TYW1B: variants seen among roughly 807,000 people sequenced by gnomAD.
The protein encoded by TYW1B is S-adenosyl-L-methionine-dependent tRNA 4-demethylwyosine synthase TYW1B.
In TYW1B, 73 loss-of-function variants were observed where a neutral mutation model predicts 86.9. The observed-to-expected ratio is 0.84, with a 90% CI of 0.70 to 1.02. TYW1B has a LOEUF of 1.02. TYW1B is among the 50% of genes least tolerant of loss of function. The pLI is 0.00. For missense variants in TYW1B, 637 were observed against 827.4 expected (o/e 0.77, Z 2.82); for synonymous variants, 248 against 292.8 (o/e 0.85, Z 1.56).
chr7:72,596,858 A>G (rs1554432707), intron 13 of TYW1B, among the ~76,000 whole-genome samples: 2 of 151,994 alleles, frequency 1.3e-5, no homozygotes, highest in African/African-American at 4.8e-5. Flanking sequence ...GGGGAAAAAA[A>G]TTGCAAATGA....
intron 12 of TYW1B, among the ~76,000 whole-genome samples, chr7:72,626,404 A>G (rs1812351102): frequency 6.6e-6 from 1 of 151,970 alleles, no homozygotes. Context: ...GTTGCCCAAA[A>G]AAGCCATTAC....
At position 72,744,495 on chromosome 7, in the gene TYW1B, G is replaced by A. The variant is rs1787360650; in HGVS notation, c.1071C>T (p.Val357=). 1 of 1,613,354 alleles carries A rather than the reference G, an allele frequency of 6.2e-7. No individual in the cohort carries two copies. Among genetic ancestry groups the A allele is most frequent in the Non-Finnish European group, 8.5e-7 (1 of 1,179,472 alleles). The part of the protein sequence containing the change: ...TPSLACANKC[V]FCWWHHNNPV... ...TCATTTTTACTTACCACCAACAGAA[G>A]ACACATTTATTAGCACACGCCAAGC... The change falls in exon 8 of 14, where the codon GTC becomes GTT. Residue 357 remains valine, a synonymous_variant. Coordinates refer to ENST00000620995, the MANE Select transcript of TYW1B (RefSeq NM_001145440.3).
rs374528899 is a variant in TYW1B, at chr7:72,811,468, G to A, written c.238-803C>T. Among the ~76,000 whole-genome samples, 791 of 152,032 alleles carry A rather than the reference G, an allele frequency of 5.2e-3. 10 individuals carry two copies. The highest frequency in any genetic ancestry group is 0.012 in the East Asian group (62 of 5,166). On this transcript the variant is annotated intron_variant, in intron 3 of 13. Coordinates refer to ENST00000620995, the MANE Select transcript of TYW1B (RefSeq NM_001145440.3). ...AGCTGCTCTGTGGTGTCAGAAAGAC[G>A]AGGAATGTGGTGACCTTGCTTATCC...
chr7:72,823,344 G>A (rs1467962123), intron 2 of TYW1B, among the ~76,000 whole-genome samples: 7 of 151,616 alleles, frequency 4.6e-5, no homozygotes, highest in Admixed American at 6.6e-5. Flanking sequence ...AATAAAGGCC[G>A]GGCACGGTGG....
chr7:72,825,594 T>C (rs143134193), intron 2 of TYW1B, among the ~76,000 whole-genome samples: 3 of 152,032 alleles, frequency 2.0e-5, no homozygotes, highest in African/African-American at 4.8e-5. Context: ...GCAGGAGAAT[T>C]GCTTGAGGTG....
chr7:72,596,539 G>A (rs1471914900), intron 13 of TYW1B, among the ~76,000 whole-genome samples: 4 of 152,150 alleles, frequency 2.6e-5, no homozygotes, highest in Non-Finnish European at 4.4e-5. Flanking sequence ...AATGGGGAAA[G>A]GGCAGCGTCC....
At chr7:72,644,555 C>A (rs1484647449) in intron 11 of TYW1B, among the ~76,000 whole-genome samples, 3 of 151,878 alleles carry the variant, frequency 2.0e-5, no homozygotes, top group South Asian at 2.1e-4. Flanking sequence ...CTCAATCAAT[C>A]AATAAATATA....
chr7:72,813,171 CTTTTTTTTT>C (rs782128548), intron 3 of TYW1B, among the ~76,000 whole-genome samples: 2 of 123,770 alleles, frequency 1.6e-5, no homozygotes, highest in Non-Finnish European at 3.4e-5. Context: ...CATACTTCTT[CTTTTTTTTT>C]TTTTTTTTTT....
chr7:72,789,794 T>G lies in TYW1B; in HGVS notation c.847-12261A>C, dbSNP rs1414050082. Among the ~76,000 whole-genome samples the G allele has an allele frequency of 6.6e-5, 10 of 151,906 alleles. No individual in the cohort carries two copies. In the East Asian group the frequency reaches 1.9e-3, roughly 29 times the overall value. ...CCCAGCCTGGAATTTTTTTTTATGA[T>G]AAGCTTTACAAAAGAAACCAAATAA... On this transcript the variant is annotated intron_variant, in intron 6 of 13. Transcript: ENST00000620995.
intron 13 of TYW1B, among the ~76,000 whole-genome samples, chr7:72,587,858 TGAA>T (rs1370945212): frequency 5.9e-5 from 9 of 152,302 alleles, no homozygotes; most frequent in African/African-American, 1.9e-4. Flanking sequence ...CACCCAAGAA[TGAA>T]GAAGGACAGC....
At chr7:72,668,990 C>T (rs1266796815) in intron 11 of TYW1B, among the ~76,000 whole-genome samples, 1 of 151,982 alleles carries the variant, frequency 6.6e-6, no homozygotes, top group African/African-American at 2.4e-5. Context: ...TATCCCCCTG[C>T]CTAGCACAGA....
At chr7:72,648,718 G>A (rs1554442386) in intron 11 of TYW1B, among the ~76,000 whole-genome samples, 3 of 152,070 alleles carry the variant, frequency 2.0e-5, no homozygotes, top group Non-Finnish European at 4.4e-5. Context: ...CTTACAACAG[G>A]AAAGAGAAAA....
At chr7:72,712,707 C>A (rs34156610) in intron 10 of TYW1B, among the ~76,000 whole-genome samples, 1 of 152,196 alleles carries the variant, frequency 6.6e-6, no homozygotes, top group African/African-American at 2.4e-5. Context: ...CAAACATCAT[C>A]ATCTCCTATC....
chr7:72,601,722 G>A (rs1158520689), intron 13 of TYW1B, among the ~76,000 whole-genome samples: 4 of 105,476 alleles, frequency 3.8e-5, no homozygotes, highest in Admixed American at 3.1e-4. Context: ...GAAAATGCAC[G>A]AAAGAATCTT....
At chr7:72,671,104 G>A (rs1230607721) in intron 11 of TYW1B, among the ~76,000 whole-genome samples, 21 of 152,058 alleles carry the variant, frequency 1.4e-4, no homozygotes, top group African/African-American at 4.1e-4. Context: ...CTGTTCTCTG[G>A]TCAGAGAGAC....
rs1813010693 is a variant in TYW1B at position 72,649,523 on chromosome 7, G to A, written c.1507-20526C>T. Among the ~76,000 whole-genome samples the A allele has an allele frequency of 2.0e-5, 3 of 152,128 alleles. No individual in the cohort carries two copies. The South Asian group carries it at 6.2e-4, about 31-fold the overall frequency. The stretch of plus-strand genomic sequence containing the variant: ...GCAACGTACTGACTTGGATGTCCGA[G>A]GATACTGACAAAAGTAAAATCTCTG... On this transcript the variant is annotated intron_variant, in intron 11 of 13. Transcript: ENST00000620995.
chr7:72,657,009 C>A (rs1813220527), intron 11 of TYW1B, among the ~76,000 whole-genome samples: 1 of 152,124 alleles, frequency 6.6e-6, no homozygotes, highest in South Asian at 2.1e-4. Context: ...AACAATATCT[C>A]CTCCAAAGGA....
intron 10 of TYW1B, among the ~76,000 whole-genome samples, chr7:72,704,944 T>C (rs1237922170): frequency 6.6e-6 from 1 of 152,108 alleles, no homozygotes. Flanking sequence ...AAATATTCCA[T>C]GAATTCAAAG....
intron 13 of TYW1B, among the ~76,000 whole-genome samples, chr7:72,593,820 TAAAA>T (rs59821679): frequency 0.021 from 916 of 43,616 alleles, 4 homozygotes; most frequent in East Asian, 0.041. Context: ...AGACTCCATC[TAAAA>T]AAAAAAAAAA....
Sources: allele counts gnomAD v4.1 joint callset (sites outside exome capture counted in the v4.1 genomes callset), GRCh38; gene constraint gnomAD v4.1.1; transcripts MANE v1.5; gene names NCBI Gene and HGNC (gene_info 2026-07-23, HGNC 2026-07-21).